SYT13: variants seen among roughly 807,000 people sequenced by gnomAD.
SYT13 encodes synaptotagmin 13.
In SYT13, 21 loss-of-function variants were observed where a neutral mutation model predicts 38.6. The observed-to-expected ratio is 0.54, with a 90% CI of 0.39 to 0.78. SYT13 has a LOEUF of 0.78. Among genes scored for constraint, SYT13 ranks in the 30% least tolerant of loss-of-function variants. The pLI is 0.00. For synonymous variants in SYT13, 241 were observed against 237.6 expected, an observed-to-expected ratio of 1.01 and a Z score of -0.13; for missense variants, 495 against 548.7, an observed-to-expected ratio of 0.90 and a Z score of 0.98.
chr11:45,279,683 C>A (rs189555845), intron 1 of SYT13, among the ~76,000 whole-genome samples: 239 of 152,336 alleles, frequency 1.6e-3, no homozygotes, highest in African/African-American at 5.2e-3. Context: ...TTATTTATTA[C>A]TGTATGGAAA....
intron 1 of SYT13, among the ~76,000 whole-genome samples, chr11:45,277,553 G>A (rs1855024595): frequency 6.6e-6 from 1 of 152,078 alleles, no homozygotes; most frequent in Non-Finnish European, 1.5e-5. Flanking sequence ...TATTTCCCCA[G>A]CCTCATTGTT....
At chr11:45,261,344 C>T (rs1054483787) in intron 1 of SYT13, among the ~76,000 whole-genome samples, 4 of 152,204 alleles carry the variant, frequency 2.6e-5, no homozygotes, top group Non-Finnish European at 5.9e-5. Context: ...GTAATCCCAG[C>T]ACTTTGGGAA....
At chr11:45,247,885 A>G (rs1590507486) in intron 4 of SYT13, among the ~76,000 whole-genome samples, 1 of 152,258 alleles carries the variant, frequency 6.6e-6, no homozygotes. Context: ...CTATGAAGAA[A>G]TATAGATATC....
At chr11:45,256,014 C>T in intron 1 of SYT13, 123 bp from the exon 2 acceptor site, 1 of 1,030,802 alleles carries the variant, frequency 9.7e-7, no homozygotes, top group Non-Finnish European at 1.4e-6. Context: ...TGGTTTCATT[C>T]TGCTCTGAAG....
intron 1 of SYT13, among the ~76,000 whole-genome samples, chr11:45,283,980 A>G (rs1855105511): frequency 1.3e-5 from 2 of 152,270 alleles, no homozygotes; most frequent in Admixed American, 1.3e-4. Context: ...AATAACAGGA[A>G]GAGGGTGTTT....
chr11:45,266,239 G>C (rs192360580), intron 1 of SYT13, among the ~76,000 whole-genome samples: 20 of 152,210 alleles, frequency 1.3e-4, no homozygotes, highest in Non-Finnish European at 2.6e-4. Flanking sequence ...CTCTAAACCA[G>C]TATTTCTCAA....
rs1275592106 is a variant in SYT13 at position 45,240,328 on chromosome 11, CT to C, written c.*3723del. 1.3e-5 allele frequency: 2 copies of C among 152,662 alleles called. No individual in the cohort carries two copies. The highest frequency in any genetic ancestry group is 1.3e-4 in the Admixed American group (2 of 15,288). The allele number at this position is 152,662 out of a possible 1,614,324, so 9.5% of individuals were successfully genotyped here. On this transcript the variant is annotated 3_prime_UTR_variant, in exon 6 of 6. Transcript: ENST00000020926. Reference sequence around the variant, plus strand: ...CCTGTTGGAAATTTTTTATTTACCACTGCAAGGTTTTTGCTCCAAAGTGTCA... The same window carrying C: ...CCTGTTGGAAATTTTTTATTTACCACGCAAGGTTTTTGCTCCAAAGTGTCA...
rs1174009095 is a variant in SYT13, at chr11:45,252,838, A to G, written c.545-116T>C. On this transcript the variant is annotated intron_variant, in intron 3 of 5. Transcript: ENST00000020926. The surrounding 1 kb of genome is among the most constrained non-coding windows in gnomAD (Gnocchi z 4.3). ...GCTTAACGACGTGACCTTGGGTGTC[A>G]GAAAGGCTGACCACCCTGGGCACCA... The G allele has an allele frequency of 8.5e-7, 1 of 1,182,494 alleles. No individual in the cohort carries two copies. Among genetic ancestry groups the G allele is most frequent in the East Asian group, 2.6e-5 (1 of 38,674 alleles). 73.3% of individuals were successfully genotyped at this position (1,182,494 alleles called of 1,614,324 possible). A position where few individuals can be genotyped will look rare whatever the true frequency, so the allele number is the denominator to read the frequency against.
chr11:45,270,065 T>A (rs1356716239), intron 1 of SYT13, among the ~76,000 whole-genome samples: 1 of 152,206 alleles, frequency 6.6e-6, no homozygotes, highest in Non-Finnish European at 1.5e-5. Flanking sequence ...AACAAGGCTG[T>A]CAGCAATGTG....
In SYT13 at chr11:45,244,060, G is replaced by A. The variant is rs759007799; in HGVS notation, c.1273C>T (p.His425Tyr). ...RRQIAMWHQL[H>Y]L ...GGCAGCTGGGCAGCTGGTTACAGGTGCAGCTGGTGCCACATGGCAATCTGC... is the reference window on the plus strand; with the variant it reads ...GGCAGCTGGGCAGCTGGTTACAGGTACAGCTGGTGCCACATGGCAATCTGC... Residue 425 changes from histidine (H) to tyrosine (Y), a missense_variant, in exon 6 of 6, where the codon CAC (histidine) becomes TAC (tyrosine). Physicochemically the swap from His to Tyr is moderately conservative, Grantham distance 83. Transcript: ENST00000020926. 6.3e-7 allele frequency: 1 copy of A among 1,598,286 alleles called. No individual in the cohort carries two copies. The highest frequency in any genetic ancestry group is 1.1e-5 in the South Asian group (1 of 90,302).
At position 45,241,526 on chromosome 11, in the gene SYT13, A is replaced by T. The variant is rs1194776558; in HGVS notation, c.*2526T>A. 9.2e-6 allele frequency: 1 copy of T among 109,150 alleles called. No individual in the cohort carries two copies. Among genetic ancestry groups the T allele is most frequent in the Non-Finnish European group, 2.1e-5 (1 of 48,190 alleles). The allele number at this position is 109,150 out of a possible 1,614,324, so 6.8% of individuals were successfully genotyped here. A position where few individuals can be genotyped will look rare whatever the true frequency, so the allele number is the denominator to read the frequency against. On this transcript the variant is annotated 3_prime_UTR_variant, in exon 6 of 6. Coordinates refer to ENST00000020926, the MANE Select transcript of SYT13 (RefSeq NM_020826.3). ...CTCCCCCGCCCCGCCCCCCCAAAAAAAAGAAGAAGAAGAATGAAAGGATGC... is the reference window on the plus strand; with the variant it reads ...CTCCCCCGCCCCGCCCCCCCAAAAATAAGAAGAAGAAGAATGAAAGGATGC...
At chr11:45,278,465 C>A (rs1320718098) in intron 1 of SYT13, among the ~76,000 whole-genome samples, 5 of 152,074 alleles carry the variant, frequency 3.3e-5, no homozygotes, top group Admixed American at 3.3e-4. Context: ...CTGGTCTCTT[C>A]TCTTCCTTCT....
In SYT13 at chr11:45,240,589, AT is replaced by A. The variant is rs1854538770; in HGVS notation, c.*3462del. On this transcript the variant is annotated 3_prime_UTR_variant, in exon 6 of 6. Coordinates refer to ENST00000020926, the MANE Select transcript of SYT13 (RefSeq NM_020826.3). Reference sequence around the variant, plus strand: ...TCTGTGCCCAGCTTTGTTTGGAGTGATTTGTCATTCAACCCACACAAAAAGT... The same window carrying A: ...TCTGTGCCCAGCTTTGTTTGGAGTGATTGTCATTCAACCCACACAAAAAGT... 1 of 152,212 alleles carries A rather than the reference AT, an allele frequency of 6.6e-6. No individual in the cohort carries two copies. Among genetic ancestry groups the A allele is most frequent in the Non-Finnish European group, 1.5e-5 (1 of 68,036 alleles). The allele number at this position is 152,212 out of a possible 1,614,324, so 9.4% of individuals were successfully genotyped here. A position where few individuals can be genotyped will look rare whatever the true frequency, so the allele number is the denominator to read the frequency against.
At chr11:45,285,955 A>G in intron 1 of SYT13, 70 bp downstream of exon 1, 8 of 1,509,556 alleles carry the variant, frequency 5.3e-6, no homozygotes, top group Non-Finnish European at 7.1e-6. Context: ...CTCCCACCCC[A>G]GTTCCCCCTC....
At chr11:45,255,465 G>A (rs1218192492) in intron 2 of SYT13, among the ~76,000 whole-genome samples, 2 of 152,178 alleles carry the variant, frequency 1.3e-5, no homozygotes, top group East Asian at 3.9e-4. Context: ...GAAAGTTGGC[G>A]GTCTGGGGGA....
chr11:45,253,199 C>T (rs1854700476), intron 3 of SYT13, among the ~76,000 whole-genome samples: 1 of 152,156 alleles, frequency 6.6e-6, no homozygotes, highest in East Asian at 1.9e-4. Flanking sequence ...TGGCTCTGCC[C>T]AGAAATGTAC....
intron 4 of SYT13, among the ~76,000 whole-genome samples, chr11:45,251,623 G>A (rs1399792339): frequency 4.6e-5 from 7 of 152,212 alleles, no homozygotes; most frequent in African/African-American, 1.7e-4. Flanking sequence ...CTTTGACCCA[G>A]GGGCCTAAGT....
chr11:45,260,705 T>C (rs1362935519), intron 1 of SYT13, among the ~76,000 whole-genome samples: 2 of 152,208 alleles, frequency 1.3e-5, no homozygotes, highest in African/African-American at 2.4e-5. Context: ...TGCACAGCTG[T>C]TCTTGGCATT....
chr11:45,248,784 C>A (rs566464206), intron 4 of SYT13, among the ~76,000 whole-genome samples: 1 of 152,350 alleles, frequency 6.6e-6, no homozygotes, highest in East Asian at 1.9e-4. Flanking sequence ...TGAGAGGAGT[C>A]AGCACCTGTC....
Sources: gnomAD v4.1 joint callset for allele counts (sites outside exome capture counted in the v4.1 genomes callset) on GRCh38, gnomAD v4.1.1 for gene constraint, Gnocchi (gnomAD v3.1) non-coding constraint, MANE v1.5 for transcripts, NCBI Gene and HGNC (gene_info 2026-07-23, HGNC 2026-07-21) for gene names.